DLGAP1: variants seen among roughly 807,000 people sequenced by gnomAD.
DLGAP1 encodes the protein DLG associated protein 1, also known as disks large-associated protein 1.
A neutral mutation model predicts 90.8 loss-of-function variants in DLGAP1; 11 were observed. The ratio of observed to expected loss-of-function variants is 0.12; its 90% CI spans 0.08 to 0.20. The LOEUF is 0.20. Ranked by LOEUF, DLGAP1 falls within the 10% of genes least tolerant of loss-of-function variation. The pLI is 1.00. For synonymous variants in DLGAP1, 558 were observed against 540.7 expected, an observed-to-expected ratio of 1.03 and a Z score of -0.44; for missense variants, 1,050 against 1,333.8, an observed-to-expected ratio of 0.79 and a Z score of 3.31.
Position 4,378,727 on chromosome 18 carries a change from C to G in DLGAP1, c.-267+76279G>C, listed in dbSNP as rs527532213. 6.6e-6 allele frequency among the ~76,000 whole-genome samples: 1 copy of G among 152,224 alleles called. No individual in the cohort carries two copies. The highest frequency in any genetic ancestry group is 6.5e-5 in the Admixed American group (1 of 15,270). ...ACTTTAACTTACTACTTAATCTGAA[C>G]CCATTTTATCTGTTTTTATTTCCAA... is the stretch of plus-strand genomic sequence containing the variant. On this transcript the variant is annotated intron_variant, in intron 1 of 12. Transcript: ENST00000315677. This position sits in a 1 kb window ranked among gnomAD's most constrained non-coding sequence, Gnocchi z 4.5.
intron 1 of DLGAP1, among the ~76,000 whole-genome samples, chr18:4,328,309 G>A (rs951624944): frequency 2.8e-4 from 42 of 151,788 alleles, no homozygotes; most frequent in African/African-American, 7.7e-4. Context: ...AAATTTTTTC[G>A]TTCCCTACAT....
chr18:4,406,838 T>A (rs544366196), intron 1 of DLGAP1, among the ~76,000 whole-genome samples: 6 of 152,162 alleles, frequency 3.9e-5, no homozygotes, highest in Admixed American at 1.3e-4. Flanking sequence ...AATATAAAAT[T>A]AGTGGCTTTA....
chr18:3,762,744 A>G (rs2064026645), intron 5 of DLGAP1, among the ~76,000 whole-genome samples: 1 of 152,190 alleles, frequency 6.6e-6, no homozygotes, highest in South Asian at 2.1e-4. Flanking sequence ...CACAGCAATC[A>G]TGTATCTTCC....
chr18:4,283,312 G>A (rs1450982010), intron 1 of DLGAP1, among the ~76,000 whole-genome samples: 1 of 152,078 alleles, frequency 6.6e-6, no homozygotes, highest in Non-Finnish European at 1.5e-5. Context: ...ATAAAGAAAT[G>A]GAAGACATTT....
intron 1 of DLGAP1, among the ~76,000 whole-genome samples, chr18:4,343,245 T>C (rs566560975): frequency 7.3e-4 from 109 of 150,178 alleles, no homozygotes; most frequent in African/African-American, 2.6e-3. Flanking sequence ...AGGCAGAGCT[T>C]GCAGTGAGCT....
chr18:4,057,051 ACACACACAC>A (rs1405523975), intron 2 of DLGAP1, among the ~76,000 whole-genome samples: 5 of 131,120 alleles, frequency 3.8e-5, no homozygotes, highest in African/African-American at 5.7e-5. Flanking sequence ...ACACACACAC[ACACACACAC>A]ATTACAGCAG....
intron 1 of DLGAP1, among the ~76,000 whole-genome samples, chr18:4,245,625 G>C (rs577913528): frequency 5.8e-4 from 87 of 151,258 alleles, no homozygotes; most frequent in Non-Finnish European, 1.2e-3. Flanking sequence ...AGATAACACA[G>C]AGTCCCAGAG....
chr18:4,290,822 A>T (rs2079828406), intron 1 of DLGAP1, among the ~76,000 whole-genome samples: 1 of 152,160 alleles, frequency 6.6e-6, no homozygotes, highest in Non-Finnish European at 1.5e-5. Context: ...AGAAAAACCA[A>T]ACCCACATGT....
At chr18:3,504,954 T>C (rs565716225) in intron 11 of DLGAP1, among the ~76,000 whole-genome samples, 3 of 152,062 alleles carry the variant, frequency 2.0e-5, no homozygotes, top group Non-Finnish European at 4.4e-5. Flanking sequence ...GGTCCTTGGT[T>C]TAGTTACGTT....
intron 7 of DLGAP1, chr18:3,655,941 A>G (rs993087059): frequency 2.6e-6 from 2 of 782,930 alleles, no homozygotes; most frequent in Non-Finnish European, 4.0e-6. Context: ...TGACCAGAAC[A>G]AGGAGAAACA....
At chr18:3,597,242 C>T in intron 7 of DLGAP1, 1 of 512,358 alleles carries the variant, frequency 2.0e-6, no homozygotes, top group Non-Finnish European at 3.9e-6. Context: ...TTAGTAGCAC[C>T]TGCACAATGG....
chr18:4,364,330 A>G (rs931014984), intron 1 of DLGAP1, among the ~76,000 whole-genome samples: 27 of 150,830 alleles, frequency 1.8e-4, no homozygotes, highest in Non-Finnish European at 3.1e-4. Flanking sequence ...TGGGTGCAGC[A>G]CACCAGCATG....
intron 9 of DLGAP1, among the ~76,000 whole-genome samples, chr18:3,554,892 A>G (rs1468933794): frequency 6.6e-6 from 1 of 152,100 alleles, no homozygotes; most frequent in Non-Finnish European, 1.5e-5. Flanking sequence ...ATTTCTTTGC[A>G]CTATCTCTTT....
intron 2 of DLGAP1, among the ~76,000 whole-genome samples, chr18:4,014,736 G>C (rs978871112): frequency 8.5e-5 from 13 of 152,154 alleles, no homozygotes; most frequent in African/African-American, 2.9e-4. Context: ...ATTAATTATA[G>C]TGTAAATATT....
At chr18:3,942,705 T>C (rs1248394270) in intron 3 of DLGAP1, among the ~76,000 whole-genome samples, 1 of 152,202 alleles carries the variant, frequency 6.6e-6, no homozygotes, top group African/African-American at 2.4e-5. Flanking sequence ...TTTAATCTGT[T>C]CTGGGCTTTT....
At chr18:3,851,517 C>T (rs2069340843) in intron 4 of DLGAP1, among the ~76,000 whole-genome samples, 1 of 152,140 alleles carries the variant, frequency 6.6e-6, no homozygotes, top group African/African-American at 2.4e-5. Context: ...TCTACAGGAA[C>T]ATTCTTTTGA....
At position 4,342,285 on chromosome 18, in the gene DLGAP1, A is replaced by G. The variant is rs2081207262; in HGVS notation, c.-267+112721T>C. On this transcript the variant is annotated intron_variant, in intron 1 of 12. Transcript: ENST00000315677. The surrounding 1 kb of genome is among the most constrained non-coding windows in gnomAD (Gnocchi z 5.8). ...TCTGCTTGCATTTTAATGGTAGGCG[A>G]GGATTTTTTATATTAGATGTTACTT... Among the ~76,000 whole-genome samples the G allele has an allele frequency of 6.6e-6, 1 of 151,952 alleles. No individual in the cohort carries two copies. Among genetic ancestry groups the G allele is most frequent in the Non-Finnish European group, 1.5e-5 (1 of 68,030 alleles).
At chr18:3,985,163 C>T (rs1466733795) in intron 3 of DLGAP1, among the ~76,000 whole-genome samples, 1 of 152,170 alleles carries the variant, frequency 6.6e-6, no homozygotes, top group African/African-American at 2.4e-5. Flanking sequence ...ATCCTGATCC[C>T]CTTTCTACCT....
At chr18:4,387,959 A>ACACACG (rs1274473429) in intron 1 of DLGAP1, among the ~76,000 whole-genome samples, 10 of 150,408 alleles carry the variant, frequency 6.6e-5, no homozygotes, top group African/African-American at 2.5e-4. Context: ...ACACACACAC[A>ACACACG]CACACACACA....
Sources: allele counts gnomAD v4.1 joint callset (sites outside exome capture counted in the v4.1 genomes callset), GRCh38; gene constraint gnomAD v4.1.1; non-coding constraint Gnocchi (gnomAD v3.1); transcripts MANE v1.5; gene names NCBI Gene and HGNC (gene_info 2026-07-23, HGNC 2026-07-21).